SPATA6: variants seen among roughly 807,000 people sequenced by gnomAD.
SPATA6 encodes spermatogenesis associated 6.
In SPATA6, 56 loss-of-function variants were observed where a neutral mutation model predicts 65.3. That is an observed-to-expected ratio of 0.86 (90% confidence interval 0.69 to 1.07). The LOEUF is 1.07. Among genes scored for constraint, SPATA6 ranks in the 50% least tolerant of loss-of-function variants. The probability of loss-of-function intolerance (pLI) is 0.00; values close to 1 mark genes in which losing one functional copy is unlikely to be tolerated. For missense variants in SPATA6, 590 were observed against 594.8 expected (o/e 0.99, Z 0.08); for synonymous variants, 199 against 213.2 (o/e 0.93, Z 0.58).
intron 9 of SPATA6, among the ~76,000 whole-genome samples, 169 bp downstream of exon 9, chr1:48,385,140 T>C (rs1026082669): frequency 1.3e-5 from 2 of 152,172 alleles, no homozygotes; most frequent in Non-Finnish European, 2.9e-5. Flanking sequence ...AGACATTAAA[T>C]GTACTGCCTG....
At chr1:48,358,283 G>C (rs1218606920) in intron 10 of SPATA6, among the ~76,000 whole-genome samples, 1 of 151,862 alleles carries the variant, frequency 6.6e-6, no homozygotes, top group African/African-American at 2.4e-5. Context: ...AGAGTGGTAG[G>C]TTTACAATTG....
At chr1:48,305,105 G>A (rs1645029252) in intron 12 of SPATA6, among the ~76,000 whole-genome samples, 1 of 152,168 alleles carries the variant, frequency 6.6e-6, no homozygotes, top group Non-Finnish European at 1.5e-5. Flanking sequence ...CATGTTCATA[G>A]ATGGTCTAGC....
downstream of SPATA6, among the ~76,000 whole-genome samples, chr1:48,291,390 C>A (rs537863612): frequency 3.3e-5 from 5 of 152,236 alleles, no homozygotes; most frequent in East Asian, 1.9e-4. Flanking sequence ...TCTCCTCGGG[C>A]TGGGCTTGCT....
chr1:48,339,688 T>G (rs1244870442), intron 11 of SPATA6, among the ~76,000 whole-genome samples: 1 of 152,032 alleles, frequency 6.6e-6, no homozygotes, highest in Non-Finnish European at 1.5e-5. Flanking sequence ...ACAAGATTAG[T>G]GAACTATAAG....
At position 48,400,817 on chromosome 1, in the gene SPATA6, G is replaced by C. The variant is rs1318298442; in HGVS notation, c.487-1173C>G. The C allele has an allele frequency of 2.3e-6, 3 of 1,293,540 alleles. No homozygotes were observed. In the African/African-American group the frequency reaches 4.6e-5, roughly 20 times the overall value. The allele number at this position is 1,293,540 out of a possible 1,614,324, so 80.1% of individuals were successfully genotyped here. A position where few individuals can be genotyped will look rare whatever the true frequency, so the allele number is the denominator to read the frequency against. On this transcript the variant is annotated intron_variant, in intron 6 of 12. Coordinates refer to ENST00000371847, the MANE Select transcript of SPATA6 (RefSeq NM_019073.4). The stretch of plus-strand genomic sequence containing the variant: ...CATCTTTCCTTCTTCTGTAGTTCAT[G>C]GTATGCTTCTGGACCTTCTCCACCT...
intron 3 of SPATA6, among the ~76,000 whole-genome samples, chr1:48,413,719 C>A (rs936796546): frequency 1.3e-5 from 2 of 152,066 alleles, no homozygotes; most frequent in African/African-American, 4.8e-5. Flanking sequence ...CCTGTGCCAT[C>A]AAAAATCCAT....
intron 9 of SPATA6, among the ~76,000 whole-genome samples, chr1:48,380,075 G>A (rs1648381667): frequency 6.6e-6 from 1 of 152,014 alleles, no homozygotes; most frequent in African/African-American, 2.4e-5. Flanking sequence ...TAAAGCTGGA[G>A]AAAAAAGAAA....
At chr1:48,367,045 C>A (rs905898994) in intron 9 of SPATA6, among the ~76,000 whole-genome samples, 7 of 152,264 alleles carry the variant, frequency 4.6e-5, no homozygotes, top group Non-Finnish European at 7.3e-5. Flanking sequence ...GCCTTCATTT[C>A]ATTATGTACT....
chr1:48,300,668 A>G (rs1644915012), intron 12 of SPATA6, among the ~76,000 whole-genome samples: 1 of 152,158 alleles, frequency 6.6e-6, no homozygotes, highest in African/African-American at 2.4e-5. Flanking sequence ...TCAACAGAAT[A>G]TTAGAAAATT....
downstream of SPATA6, among the ~76,000 whole-genome samples, chr1:48,294,537 G>GTTTTTATCTGACTTCATTA (rs889683325): frequency 6.6e-6 from 1 of 152,126 alleles, no homozygotes; most frequent in South Asian, 2.1e-4. Flanking sequence ...GCTTTCATTT[G>GTTTTTATCTGACTTCATTA]TTTTTATCTG....
At chr1:48,287,284 T>G in the SPATA6 span, among the ~76,000 whole-genome samples, 1 of 152,128 alleles carries the variant, frequency 6.6e-6, no homozygotes, top group Non-Finnish European at 1.5e-5. Flanking sequence ...TGAGGGATGG[T>G]GCCAAACCAT....
chr1:48,436,586 A>C (rs1000977500), intron 3 of SPATA6: 80 of 1,613,122 alleles, frequency 5.0e-5, no homozygotes, highest in Non-Finnish European at 6.3e-5. Context: ...TCCCATCTGC[A>C]TAGTTTGGTT....
rs763344193 is a variant in SPATA6, at chr1:48,355,689, G to C, written c.1175C>G (p.Ala392Gly). 2.5e-6 allele frequency: 4 copies of C among 1,612,406 alleles called. No individual in the cohort carries two copies. Among genetic ancestry groups the C allele is most frequent in the Admixed American group, 1.7e-5 (1 of 59,928 alleles). The change falls in exon 11 of 13, where the codon GCT becomes GGT. Residue 392 changes from alanine (A) to glycine (G), a missense_variant. Physicochemically the swap from Ala to Gly is moderately conservative, Grantham distance 60 (BLOSUM62 0). Coordinates refer to ENST00000371847, the MANE Select transcript of SPATA6 (RefSeq NM_019073.4). ...ACTAACATATAAATGTCTTTGATGA[G>C]CCTGATGTGATTTCAAGACATTTTT... Reference protein sequence around the residue: ...RVKNVLKSHQAHQRHLYDERD... With the variant: ...RVKNVLKSHQGHQRHLYDERD...
the SPATA6 span, among the ~76,000 whole-genome samples, chr1:48,267,752 G>GTTGT: frequency 2.8e-5 from 2 of 72,678 alleles, no homozygotes; most frequent in Non-Finnish European, 4.7e-5. Flanking sequence ...TAGGGTCTGG[G>GTTGT]TTTTTTTTTT....
At chr1:48,284,935 C>T in the SPATA6 span, among the ~76,000 whole-genome samples, 1 of 152,180 alleles carries the variant, frequency 6.6e-6, no homozygotes, top group Non-Finnish European at 1.5e-5. Context: ...GGTAGTCTGA[C>T]CCTTAGCAGA....
At chr1:48,463,666 A>C (rs1160375625) in intron 1 of SPATA6, among the ~76,000 whole-genome samples, 1 of 152,330 alleles carries the variant, frequency 6.6e-6, no homozygotes, top group Admixed American at 6.5e-5. Flanking sequence ...GGATTTTATT[A>C]GGCAGAGATT....
chr1:48,283,042 G>T, the SPATA6 span, among the ~76,000 whole-genome samples: 28 of 151,958 alleles, frequency 1.8e-4, no homozygotes, highest in Non-Finnish European at 3.7e-4. Context: ...AGGGACGTGG[G>T]TGAAATTGGA....
At chr1:48,333,549 G>C (rs1039997119) in intron 11 of SPATA6, among the ~76,000 whole-genome samples, 5 of 152,128 alleles carry the variant, frequency 3.3e-5, no homozygotes, top group African/African-American at 9.7e-5. Context: ...TGTCCCTCTA[G>C]AGAACCCTGA....
At chr1:48,372,535 G>T (rs1051124999) in intron 9 of SPATA6, among the ~76,000 whole-genome samples, 2 of 152,164 alleles carry the variant, frequency 1.3e-5, no homozygotes, top group Non-Finnish European at 2.9e-5. Context: ...TTTTGCAGGC[G>T]CATGGTGCAA....
Sources: allele counts gnomAD v4.1 joint callset (sites outside exome capture counted in the v4.1 genomes callset), GRCh38; gene constraint gnomAD v4.1.1; transcripts MANE v1.5; gene names NCBI Gene and HGNC (gene_info 2026-07-23, HGNC 2026-07-21).